The following ARHGAP39 variants were observed in gnomAD, a reference collection of about 807,000 sequenced individuals.
The protein encoded by ARHGAP39 is rho GTPase-activating protein 39.
A neutral mutation model predicts 106.9 loss-of-function variants in ARHGAP39; 44 were observed. The ratio of observed to expected loss-of-function variants is 0.41; its 90% CI spans 0.32 to 0.53. The LOEUF (loss-of-function observed/expected upper bound fraction) is 0.53, where lower values mean the gene tolerates loss of function less well. ARHGAP39 is among the 20% of genes least tolerant of loss of function. ARHGAP39 has a pLI of 0.21. For synonymous variants in ARHGAP39, 768 were observed against 693.2 expected (o/e 1.11, Z -1.69); for missense variants, 1,496 against 1,577.3 (o/e 0.95, Z 0.87).
chr8:144,685,865 C>G (rs1227768088), upstream of ARHGAP39, among the ~76,000 whole-genome samples: 1 of 148,910 alleles, frequency 6.7e-6, no homozygotes, highest in Non-Finnish European at 1.5e-5. Context: ...CGCGTCCTCC[C>G]GTCACCAAGC....
rs1821310544 is a variant in ARHGAP39, at chr8:144,641,410, G to A, written c.-81-35715C>T. On this transcript the variant is annotated intron_variant, in intron 1 of 11. Transcript: ENST00000377307. The surrounding 1 kb of genome is among the most constrained non-coding windows in gnomAD (Gnocchi z 5.2). ...CGCAGGCAGATGATGGGCTGGTAAA[G>A]CGAAGCTGACCACCAAGACCCCACC... Among the ~76,000 whole-genome samples, 1 of 152,120 alleles carries A rather than the reference G, an allele frequency of 6.6e-6. No individual in the cohort carries two copies. Among genetic ancestry groups the A allele is most frequent in the South Asian group, 2.1e-4 (1 of 4,822 alleles).
chr8:144,630,459 C>T (rs1233358962), intron 1 of ARHGAP39, among the ~76,000 whole-genome samples: 3 of 152,240 alleles, frequency 2.0e-5, no homozygotes, highest in Non-Finnish European at 4.4e-5. Context: ...CTGCAGCCTC[C>T]TAAGGGTCTG....
chr8:144,682,064 C>A (rs139598891), intron 1 of ARHGAP39, among the ~76,000 whole-genome samples: 3,663 of 151,414 alleles, frequency 0.024, 121 homozygotes, highest in African/African-American at 0.085. Flanking sequence ...GTCAGGAGAT[C>A]GAGACCATCC....
intron 2 of ARHGAP39, 51 bp from the exon 3 acceptor site, chr8:144,581,328 C>T: frequency 6.7e-7 from 1 of 1,490,268 alleles, no homozygotes; most frequent in Non-Finnish European, 9.0e-7. Flanking sequence ...CCTGGGCCCG[C>T]GCCTCCCACC....
At chr8:144,566,892 G>A (rs1416344860) in intron 3 of ARHGAP39, among the ~76,000 whole-genome samples, 1 of 151,498 alleles carries the variant, frequency 6.6e-6, no homozygotes. Context: ...AAAGGAGCTA[G>A]AGTTAAAAGA....
chr8:144,599,080 TGACGGCCCC>T (rs1819741465), intron 2 of ARHGAP39, among the ~76,000 whole-genome samples: 1 of 152,214 alleles, frequency 6.6e-6, no homozygotes, highest in Admixed American at 6.5e-5. Context: ...AGGCAGCTGT[TGACGGCCCC>T]GATGGCCCGG....
rs768134494 is a variant in ARHGAP39, at chr8:144,545,424, G to A, written c.2346C>T (p.Asp782=). ...GCCGGCACAGCTGGATGTAGAGCTC[G>A]TCCCGCAGGCCCTGCACGCTCCAGC... ...TKGWSVQGLR[D]ELYIQLCRQT... is the part of the protein sequence containing the mutation. The change falls in exon 6 of 12, where the codon GAC becomes GAT. Residue 782 remains aspartate (D), a synonymous_variant. Transcript: ENST00000377307. 22 of 1,587,796 alleles carry A rather than the reference G, an allele frequency of 1.4e-5. No homozygotes were observed. The highest frequency in any genetic ancestry group is 1.7e-4 in the Middle Eastern group (1 of 6,006).
intron 1 of ARHGAP39, among the ~76,000 whole-genome samples, chr8:144,654,548 C>T (rs1332464542): frequency 6.6e-6 from 1 of 152,198 alleles, no homozygotes; most frequent in Non-Finnish European, 1.5e-5. Context: ...TGGCAGCGGC[C>T]AGTCAAGACG....
At chr8:144,545,008 G>C (rs1188479730) in intron 6 of ARHGAP39, among the ~76,000 whole-genome samples, 1 of 152,252 alleles carries the variant, frequency 6.6e-6, no homozygotes, top group Non-Finnish European at 1.5e-5. Flanking sequence ...CGGCCATTGA[G>C]GCCCCAAGCC....
At chr8:144,662,942 C>T (rs1351537593) in intron 1 of ARHGAP39, among the ~76,000 whole-genome samples, 2 of 151,476 alleles carry the variant, frequency 1.3e-5, no homozygotes, top group Non-Finnish European at 2.9e-5. Context: ...CTGCTCCCCA[C>T]ACCCCATTAC....
intron 6 of ARHGAP39, among the ~76,000 whole-genome samples, chr8:144,544,369 G>A (rs1817315765): frequency 6.6e-6 from 1 of 152,266 alleles, no homozygotes. Context: ...GGCCCAGCAA[G>A]GCCCTGACCA....
intron 1 of ARHGAP39, among the ~76,000 whole-genome samples, chr8:144,663,282 G>A (rs1046099913): frequency 6.6e-6 from 1 of 152,104 alleles, no homozygotes; most frequent in Non-Finnish European, 1.5e-5. Flanking sequence ...TCACAGTTCT[G>A]CAGGCTGTAC....
intron 5 of ARHGAP39, 35 bp from the exon 6 acceptor site, chr8:144,545,845 T>TG (rs1817397055): frequency 1.9e-6 from 2 of 1,042,208 alleles, no homozygotes; most frequent in Non-Finnish European, 2.7e-6. Flanking sequence ...CTGTTGGGGG[T>TG]GGGGGAGGGC....
chr8:144,695,966 G>T, the ARHGAP39 span, among the ~76,000 whole-genome samples: 2 of 152,104 alleles, frequency 1.3e-5, no homozygotes, highest in African/African-American at 2.4e-5. Flanking sequence ...AGTCTGTCTG[G>T]CTCTTAGCTA....
chr8:144,597,803 G>A (rs767308332), intron 2 of ARHGAP39, among the ~76,000 whole-genome samples: 12 of 152,146 alleles, frequency 7.9e-5, no homozygotes, highest in South Asian at 2.1e-4. Context: ...AGCTCAACAC[G>A]TTGGCTCATC....
chr8:144,575,232 C>T (rs1432479125), intron 3 of ARHGAP39, among the ~76,000 whole-genome samples: 1 of 152,206 alleles, frequency 6.6e-6, no homozygotes, highest in Non-Finnish European at 1.5e-5. Context: ...CTGCACACAA[C>T]TCCTAACTTG....
rs1821403725 is a variant in ARHGAP39 at position 144,644,865 on chromosome 8, T to C, written c.-81-39170A>G. Among the ~76,000 whole-genome samples, 1 of 152,258 alleles carries C rather than the reference T, an allele frequency of 6.6e-6. No individual in the cohort carries two copies. Among genetic ancestry groups the C allele is most frequent in the Non-Finnish European group, 1.5e-5 (1 of 68,040 alleles). On this transcript the variant is annotated intron_variant, in intron 1 of 11. Transcript: ENST00000377307. The surrounding 1 kb of genome is among the most constrained non-coding windows in gnomAD (Gnocchi z 4.8). Reference sequence around the variant, plus strand: ...ACACCTGAGCCCCTTCCTCAGGAGCTGTGCTGCCTCCTCAGAACTCAATTT... The same window carrying C: ...ACACCTGAGCCCCTTCCTCAGGAGCCGTGCTGCCTCCTCAGAACTCAATTT...
chr8:144,620,069 T>C (rs551147383), intron 1 of ARHGAP39, among the ~76,000 whole-genome samples: 4 of 135,660 alleles, frequency 2.9e-5, no homozygotes, highest in African/African-American at 1.1e-4. Context: ...AGAGCGTGTC[T>C]GTGTGTGCCC....
At chr8:144,699,664 T>TG in the ARHGAP39 span, among the ~76,000 whole-genome samples, 1 of 35,084 alleles carries the variant, frequency 2.9e-5, no homozygotes. Context: ...GACGGGAGGG[T>TG]GGGACAGTCT....
Sources: allele counts gnomAD v4.1 joint callset (sites outside exome capture counted in the v4.1 genomes callset), GRCh38; gene constraint gnomAD v4.1.1; non-coding constraint Gnocchi (gnomAD v3.1); transcripts MANE v1.5; gene names NCBI Gene and HGNC (gene_info 2026-07-23, HGNC 2026-07-21).